DOCK10: variants seen among roughly 807,000 people sequenced by gnomAD.
DOCK10 encodes the protein dedicator of cytokinesis protein 10.
Under a neutral mutation model 280.1 loss-of-function variants are expected in DOCK10, and 145 were observed. The ratio of observed to expected loss-of-function variants is 0.52; its 90% CI spans 0.45 to 0.59. The LOEUF is 0.59. Ranked by LOEUF, DOCK10 falls within the 20% of genes least tolerant of loss-of-function variation. The pLI, the probability that DOCK10 is intolerant of heterozygous loss-of-function variation, is 0.00. For synonymous variants in DOCK10, 915 were observed against 942.2 expected (o/e 0.97, Z 0.53); for missense variants, 2,368 against 2,651.7 (o/e 0.89, Z 2.35).
At chr2:224,789,803 G>A (rs961020434) in intron 47 of DOCK10, among the ~76,000 whole-genome samples, 9 of 150,174 alleles carry the variant, frequency 6.0e-5, no homozygotes, top group South Asian at 2.1e-4. Flanking sequence ...TTTTTGAGAC[G>A]GAGTTTCACT....
At chr2:224,830,636 A>G (rs753730968) in intron 26 of DOCK10, 24 bp from the exon 27 acceptor site, 4 of 1,448,516 alleles carry the variant, frequency 2.8e-6, no homozygotes, top group Non-Finnish European at 3.7e-6. Context: ...AAAGGCAACG[A>G]GACATTTATT....
chr2:224,906,094 A>G (rs1700617554), intron 3 of DOCK10, among the ~76,000 whole-genome samples: 1 of 152,170 alleles, frequency 6.6e-6, no homozygotes, highest in African/African-American at 2.4e-5. Flanking sequence ...TATTTAAATG[A>G]ATGGCACAAC....
chr2:224,816,488 A>G, intron 30 of DOCK10, 129 bp downstream of exon 30: 1 of 658,014 alleles, frequency 1.5e-6, no homozygotes, highest in South Asian at 1.8e-5. Context: ...TGGGTCTGAT[A>G]CCCATGTGAC....
chr2:224,773,276 T>C lies in DOCK10; in HGVS notation c.6085A>G (p.Ile2029Val), dbSNP rs1690577253. 3 of 1,613,994 alleles carry C rather than the reference T, an allele frequency of 1.9e-6. No individual in the cohort carries two copies. The highest frequency in any genetic ancestry group is 2.7e-5 in the African/African-American group (2 of 75,070). ...ISQSSTELNP[I>V]EVAIDEMSKK... ...GACATCTCGTCAATTGCCACTTCAA[T>C]TGGATTCAGTTCTGTGCTCGATTGG... is the stretch of plus-strand genomic sequence containing the variant. Residue 2029 changes from isoleucine to valine, a missense_variant, in exon 53 of 56, where the codon ATT becomes GTT. By Grantham distance (29) the Ile-to-Val change is conservative. This residue lies in a region of DOCK10 where 1,159 missense variants were observed against 1,400.8 expected (regional missense o/e 0.83). Transcript: ENST00000258390.
At chr2:224,923,556 A>G (rs1701886697) in intron 2 of DOCK10, among the ~76,000 whole-genome samples, 1 of 152,180 alleles carries the variant, frequency 6.6e-6, no homozygotes, top group African/African-American at 2.4e-5. Flanking sequence ...CATCCAAGAA[A>G]GCCCAGTGAA....
intron 1 of DOCK10, among the ~76,000 whole-genome samples, chr2:224,934,907 G>T (rs1241514683): frequency 1.3e-5 from 2 of 152,138 alleles, no homozygotes; most frequent in East Asian, 3.9e-4. Flanking sequence ...AAGTCACTCT[G>T]CATGGGAAAA....
intron 47 of DOCK10, among the ~76,000 whole-genome samples, 183 bp from the exon 48 acceptor site, chr2:224,789,353 T>C (rs2125092476): frequency 6.6e-6 from 1 of 152,348 alleles, no homozygotes; most frequent in Admixed American, 6.5e-5. Flanking sequence ...CCCCTTTTTA[T>C]AATTTTTGTA....
At chr2:224,978,891 T>G (rs1705596794) in intron 1 of DOCK10, among the ~76,000 whole-genome samples, 1 of 152,250 alleles carries the variant, frequency 6.6e-6, no homozygotes, top group Non-Finnish European at 1.5e-5. Flanking sequence ...TTTATCTGAA[T>G]GGCAACTTGG....
intron 1 of DOCK10, among the ~76,000 whole-genome samples, chr2:224,984,094 AC>A (rs71410345): frequency 1.4e-5 from 2 of 146,892 alleles, no homozygotes; most frequent in African/African-American, 2.5e-5. Context: ...GGCAGTGCCC[AC>A]CCCCACCCAC....
intron 11 of DOCK10, among the ~76,000 whole-genome samples, chr2:224,870,452 T>G (rs1207929803): frequency 6.6e-6 from 1 of 152,200 alleles, no homozygotes; most frequent in African/African-American, 2.4e-5. Context: ...ATCAGATTAC[T>G]CCTAACACTT....
intron 1 of DOCK10, among the ~76,000 whole-genome samples, chr2:224,980,575 C>T (rs984834694): frequency 6.6e-6 from 1 of 152,006 alleles, no homozygotes; most frequent in African/African-American, 2.4e-5. Flanking sequence ...TTGGAGTGGC[C>T]CAGAAGAAAT....
At chr2:224,799,528 C>G (rs1034141647) in intron 41 of DOCK10, among the ~76,000 whole-genome samples, 1 of 152,160 alleles carries the variant, frequency 6.6e-6, no homozygotes, top group Non-Finnish European at 1.5e-5. Context: ...GGGCAAATAC[C>G]TATTACAGTA....
At chr2:224,981,209 C>T (rs912104691) in intron 1 of DOCK10, among the ~76,000 whole-genome samples, 2 of 152,004 alleles carry the variant, frequency 1.3e-5, no homozygotes, top group Admixed American at 1.3e-4. Context: ...ATCACAGCCC[C>T]CTAGTTCAAG....
intron 1 of DOCK10, among the ~76,000 whole-genome samples, chr2:224,959,512 C>T (rs1704242079): frequency 6.6e-6 from 1 of 151,004 alleles, no homozygotes; most frequent in South Asian, 2.1e-4. Flanking sequence ...CCTCTTTCTC[C>T]ACATTTAGTC....
At chr2:224,984,328 T>G (rs779890017) in intron 1 of DOCK10, among the ~76,000 whole-genome samples, 68 of 152,198 alleles carry the variant, frequency 4.5e-4, no homozygotes, top group Non-Finnish European at 6.8e-4. Flanking sequence ...TCTCTAACCA[T>G]CTCTCTCTAA....
intron 14 of DOCK10, among the ~76,000 whole-genome samples, chr2:224,859,545 A>G (rs1034254454): frequency 2.0e-5 from 3 of 152,202 alleles, no homozygotes; most frequent in African/African-American, 7.2e-5. Context: ...ATATAAGAAT[A>G]CCAAATTAAT....
chr2:224,961,752 G>A (rs1290937230), intron 1 of DOCK10, among the ~76,000 whole-genome samples: 6 of 151,910 alleles, frequency 3.9e-5, no homozygotes, highest in Non-Finnish European at 7.4e-5. Context: ...TGATCTGCCT[G>A]CCTCGGCCTC....
chr2:224,805,141 G>A lies in DOCK10; in HGVS notation c.4052-17C>T. On this transcript the variant is annotated splice_polypyrimidine_tract_variant and intron_variant, in intron 36 of 55. Coordinates refer to ENST00000258390, the MANE Select transcript of DOCK10 (RefSeq NM_014689.3). The surrounding 1 kb of genome is among the most constrained non-coding windows in gnomAD (Gnocchi z 4.3). ...TCAGAGTCTCTAAAAGGAAACACCA[G>A]GTAGTATGAGAATCTGAAGGTTTTC... is the stretch of plus-strand genomic sequence containing the variant. 6.2e-7 allele frequency: 1 copy of A among 1,608,098 alleles called. No individual in the cohort carries two copies. Among genetic ancestry groups the A allele is most frequent in the African/African-American group, 1.3e-5 (1 of 74,446 alleles).
chr2:224,956,382 G>A (rs980109518), intron 1 of DOCK10, among the ~76,000 whole-genome samples: 2 of 152,084 alleles, frequency 1.3e-5, no homozygotes, highest in Non-Finnish European at 2.9e-5. Flanking sequence ...CAGAACTTTG[G>A]GAGGCCAAAG....
Sources: allele counts gnomAD v4.1 joint callset (sites outside exome capture counted in the v4.1 genomes callset), GRCh38; gene constraint gnomAD v4.1.1; regional missense constraint gnomAD v4.1.1; non-coding constraint Gnocchi (gnomAD v3.1); transcripts MANE v1.5; gene names NCBI Gene and HGNC (gene_info 2026-07-23, HGNC 2026-07-21).